Variants in AIM2 observed in about 807,000 individuals in gnomAD.
AIM2 encodes interferon-inducible protein AIM2.
A neutral mutation model predicts 27.7 loss-of-function variants in AIM2; 30 were observed. The observed-to-expected ratio is 1.08, with a 90% CI of 0.81 to 1.47. The LOEUF is 1.47. Among genes scored for constraint, AIM2 ranks in the 40% most tolerant of loss-of-function variants. AIM2 has a pLI of 0.00. For missense variants in AIM2, 358 were observed against 411.3 expected, an observed-to-expected ratio of 0.87 and a Z score of 1.12; for synonymous variants, 141 against 145.3, an observed-to-expected ratio of 0.97 and a Z score of 0.21.
chr1:159,133,953 C>T (rs538410795), intron 1 of AIM2, among the ~76,000 whole-genome samples: 8 of 152,178 alleles, frequency 5.3e-5, no homozygotes, highest in Non-Finnish European at 8.8e-5. Flanking sequence ...CACCTTCATA[C>T]GTGTGTGACA....
At chr1:159,117,619 G>A (rs1464534192) in intron 1 of AIM2, among the ~76,000 whole-genome samples, 3 of 152,070 alleles carry the variant, frequency 2.0e-5, no homozygotes, top group Admixed American at 2.0e-4. Flanking sequence ...AAGTTCAAGA[G>A]CAATCATTCA....
chr1:159,060,846 T>A (rs1655810107), downstream of AIM2, among the ~76,000 whole-genome samples: 1 of 152,230 alleles, frequency 6.6e-6, no homozygotes, highest in South Asian at 2.1e-4. Flanking sequence ...TAAACTTTCA[T>A]GAATATTTAC....
chr1:159,087,748 T>G (rs1656953033), intron 1 of AIM2, among the ~76,000 whole-genome samples: 1 of 152,018 alleles, frequency 6.6e-6, no homozygotes, highest in Non-Finnish European at 1.5e-5. Flanking sequence ...AATTTTTGTA[T>G]TTTTAGTAGA....
At chr1:159,134,756 C>T (rs1047214260) in intron 1 of AIM2, among the ~76,000 whole-genome samples, 14 of 152,004 alleles carry the variant, frequency 9.2e-5, no homozygotes, top group Non-Finnish European at 1.6e-4. Flanking sequence ...CACTTGAGCC[C>T]GAGAGGCGGA....
At chr1:159,128,697 G>A (rs144289815) in intron 1 of AIM2, among the ~76,000 whole-genome samples, 2 of 152,094 alleles carry the variant, frequency 1.3e-5, no homozygotes, top group African/African-American at 2.4e-5. Flanking sequence ...GTTTGCACCC[G>A]GGCTGCTAAT....
intron 1 of AIM2, among the ~76,000 whole-genome samples, chr1:159,109,791 C>A (rs150722098): frequency 0.041 from 6,290 of 152,016 alleles, 322 homozygotes; most frequent in African/African-American, 0.12. Flanking sequence ...AAATGGCCAA[C>A]AAACATATGA....
At chr1:159,055,868 A>G in the AIM2 span, among the ~76,000 whole-genome samples, 1 of 152,190 alleles carries the variant, frequency 6.6e-6, no homozygotes, top group Non-Finnish European at 1.5e-5. Flanking sequence ...TACTCACCCT[A>G]TAATATGTGA....
At chr1:159,099,796 T>C (rs749733696) in intron 1 of AIM2, among the ~76,000 whole-genome samples, 1 of 152,142 alleles carries the variant, frequency 6.6e-6, no homozygotes, top group African/African-American at 2.4e-5. Flanking sequence ...ACAAGATCAG[T>C]CTAAGACAAC....
chr1:159,103,378 C>T (rs1657357094), intron 1 of AIM2, among the ~76,000 whole-genome samples: 2 of 53,830 alleles, frequency 3.7e-5, no homozygotes, highest in Non-Finnish European at 1.4e-4. Flanking sequence ...TTCACAATTC[C>T]CACTTTTTTT....
intron 1 of AIM2, among the ~76,000 whole-genome samples, chr1:159,130,800 CCACACACACACACACACACA>C (rs10557540): frequency 2.8e-5 from 4 of 145,160 alleles, no homozygotes; most frequent in Admixed American, 6.9e-5. Flanking sequence ...AGCCTGGTCA[CCACACACACACACACACACA>C]CACACACACA....
At chr1:159,062,767 C>A in intron 5 of AIM2, 49 bp from the exon 6 acceptor site, 3 of 1,570,372 alleles carry the variant, frequency 1.9e-6, no homozygotes, top group South Asian at 1.1e-5. Context: ...CGATGAGTGG[C>A]CCCTCCACTG....
intron 2 of AIM2, among the ~76,000 whole-genome samples, chr1:159,071,995 T>C (rs1656381450): frequency 6.6e-6 from 1 of 152,224 alleles, no homozygotes. Flanking sequence ...AGGGGAAATT[T>C]TGTTCTATCC....
intron 1 of AIM2, among the ~76,000 whole-genome samples, chr1:159,095,187 G>C (rs1308429969): frequency 2.0e-5 from 3 of 152,056 alleles, no homozygotes; most frequent in Non-Finnish European, 4.4e-5. Context: ...GTTTATTTTT[G>C]TTGTACATGC....
chr1:159,139,107 A>T (rs1225950152), intron 1 of AIM2, among the ~76,000 whole-genome samples: 1 of 152,186 alleles, frequency 6.6e-6, no homozygotes, highest in African/African-American at 2.4e-5. Context: ...ACCCCTCAGG[A>T]TGAAGAGAGT....
intron 1 of AIM2, among the ~76,000 whole-genome samples, chr1:159,115,295 G>C (rs1175213024): frequency 6.6e-6 from 1 of 152,152 alleles, no homozygotes; most frequent in African/African-American, 2.4e-5. Flanking sequence ...TCCCCATCAA[G>C]CTATCAGTGA....
In AIM2 at chr1:159,066,297, T is replaced by G. The variant is rs764998465; in HGVS notation, c.429A>C (p.Glu143Asp). The change falls in exon 4 of 6, where the codon GAA becomes GAC. Residue 143 changes from glutamate to aspartate, a missense_variant. By Grantham distance (45) the Glu-to-Asp change is conservative. Transcript: ENST00000368130. The part of the protein sequence containing the change: ...PEQKQMVAQQ[E>D]SIREGFQKRC... ...GCTTCTGAAACCCTTCTCTGATAGATTCCTGCTGGGCCACCATCTGTTTCT... is the reference window on the plus strand; with the variant it reads ...GCTTCTGAAACCCTTCTCTGATAGAGTCCTGCTGGGCCACCATCTGTTTCT... 2.5e-6 allele frequency: 4 copies of G among 1,613,498 alleles called. No individual in the cohort carries two copies. Among genetic ancestry groups the G allele is most frequent in the African/African-American group, 2.7e-5 (2 of 74,862 alleles).
At chr1:159,119,090 T>G (rs1647461076) in intron 1 of AIM2, among the ~76,000 whole-genome samples, 1 of 152,140 alleles carries the variant, frequency 6.6e-6, no homozygotes, top group Non-Finnish European at 1.5e-5. Context: ...CGCTCCTCTT[T>G]TACTGGATGG....
chr1:159,076,459 T>C (rs1570950243), intron 1 of AIM2, among the ~76,000 whole-genome samples, 174 bp downstream of exon 1: 1 of 152,152 alleles, frequency 6.6e-6, no homozygotes, highest in Admixed American at 6.5e-5. Context: ...CCAGAGGACA[T>C]GGCTAAAGTG....
At chr1:159,114,321 A>G (rs143456613) in intron 1 of AIM2, among the ~76,000 whole-genome samples, 2 of 152,358 alleles carry the variant, frequency 1.3e-5, no homozygotes, top group African/African-American at 4.8e-5. Flanking sequence ...GGGAGAAGGC[A>G]GCAGTTTGAG....
Sources: allele counts gnomAD v4.1 joint callset (sites outside exome capture counted in the v4.1 genomes callset), GRCh38; gene constraint gnomAD v4.1.1; transcripts MANE v1.5; gene names NCBI Gene and HGNC (gene_info 2026-07-23, HGNC 2026-07-21).